The following BYSL variants were observed in gnomAD, a reference collection of about 807,000 sequenced individuals.
BYSL encodes bystin like.
Under a neutral mutation model 45.4 loss-of-function variants are expected in BYSL, and 21 were observed. The ratio of observed to expected loss-of-function variants is 0.46; its 90% CI spans 0.33 to 0.67. BYSL has a LOEUF of 0.67. BYSL is among the 30% of genes least tolerant of loss of function. The probability of loss-of-function intolerance (pLI) is 0.02; values close to 1 mark genes in which losing one functional copy is unlikely to be tolerated. For missense variants in BYSL, 522 were observed against 578.5 expected (o/e 0.90, Z 1.00); for synonymous variants, 215 against 231.3 (o/e 0.93, Z 0.64).
chr6:41,922,147 G>C (rs1228982763), intron 1 of BYSL, among the ~76,000 whole-genome samples: 1 of 152,198 alleles, frequency 6.6e-6, no homozygotes, highest in Non-Finnish European at 1.5e-5. Context: ...TCTATCGAAT[G>C]TTTGGGTACA....
intron 2 of BYSL, among the ~76,000 whole-genome samples, chr6:41,928,658 C>T (rs539104015): frequency 6.6e-6 from 1 of 152,154 alleles, no homozygotes; most frequent in Non-Finnish European, 1.5e-5. Context: ...GAAAGCAAGC[C>T]TAGATCCACA....
rs760149839 is a variant in BYSL, at chr6:41,930,777, G to C, written c.704+9G>C. The C allele has an allele frequency of 6.2e-7, 1 of 1,609,954 alleles. No individual in the cohort carries two copies. Reference sequence around the variant, plus strand: ...ATGTACCAGGCCACCAGGTAGAGTAGCTGGGGGTTCGGGGGCCTTGGGTTT... The same window carrying C: ...ATGTACCAGGCCACCAGGTAGAGTACCTGGGGGTTCGGGGGCCTTGGGTTT... On this transcript the variant is annotated intron_variant, in intron 4 of 6. Transcript: ENST00000230340.
upstream of BYSL, chr6:41,921,282 C>G (rs913688243): frequency 1.6e-6 from 1 of 616,392 alleles, no homozygotes; most frequent in South Asian, 2.1e-5. Context: ...GCTGAGCACT[C>G]TAGGCCTACA....
upstream of BYSL, chr6:41,916,987 GCTCA>G (rs570358617): frequency 3.9e-4 from 626 of 1,604,872 alleles, 2 homozygotes; most frequent in African/African-American, 7.4e-3. Flanking sequence ...ACACACGTGT[GCTCA>G]CTGAGCCATT....
chr6:41,921,394 G>A, upstream of BYSL: 1 of 889,866 alleles, frequency 1.1e-6, no homozygotes. Context: ...GAACCCGGGA[G>A]CTCTTTTAGT....
chr6:41,918,704 T>G (rs1291834398), upstream of BYSL, among the ~76,000 whole-genome samples: 1 of 151,216 alleles, frequency 6.6e-6, no homozygotes, highest in Non-Finnish European at 1.5e-5. Flanking sequence ...TCCCAGCACT[T>G]TGGGAGGCCG....
intron 1 of BYSL, among the ~76,000 whole-genome samples, chr6:41,922,607 A>G (rs1372251004): frequency 6.6e-6 from 1 of 152,166 alleles, no homozygotes; most frequent in African/African-American, 2.4e-5. Flanking sequence ...GCTGACTCTT[A>G]TTGCAACCTC....
In BYSL at chr6:41,930,125, C is replaced by T; in HGVS notation, c.432-7C>T. 6.2e-7 allele frequency: 1 copy of T among 1,614,106 alleles called. No homozygotes were observed. Among genetic ancestry groups the T allele is most frequent in the South Asian group, 1.1e-5 (1 of 91,068 alleles). On this transcript the variant is annotated splice_polypyrimidine_tract_variant and splice_region_variant and intron_variant, in intron 2 of 6. Coordinates refer to ENST00000230340, the MANE Select transcript of BYSL (RefSeq NM_004053.4). ...CTCTCCCCTCCTCTTGGCACTTCCC[C>T]TCTTAGGCGCACCCTGGCTGACATC...
the BYSL span, chr6:41,909,614 C>A: frequency 6.5e-7 from 1 of 1,537,638 alleles, no homozygotes; most frequent in Admixed American, 1.8e-5. Context: ...TGAGGCCAGA[C>A]AGCAATCTGG....
rs73733053 is a variant in BYSL, at chr6:41,924,962, A to G, written c.269-2412A>G. 5.3e-3 allele frequency among the ~76,000 whole-genome samples: 803 copies of G among 152,294 alleles called. 10 individuals are homozygous for G. Among genetic ancestry groups the G allele is most frequent in the African/African-American group, 0.018 (752 of 41,554 alleles). ...GAGGGTGAGGGCAGGGGATGAGGCA[A>G]GAGTACCTCCCAGGCTTAGCATTGG... On this transcript the variant is annotated intron_variant, in intron 1 of 6. Coordinates refer to ENST00000230340, the MANE Select transcript of BYSL (RefSeq NM_004053.4).
the BYSL span, among the ~76,000 whole-genome samples, chr6:41,916,388 T>G: frequency 1.3e-5 from 2 of 152,186 alleles, no homozygotes; most frequent in Admixed American, 6.5e-5. Context: ...GAGATCAGCC[T>G]GACCCACACA....
the BYSL span, among the ~76,000 whole-genome samples, chr6:41,912,223 T>G: frequency 7.1e-6 from 1 of 141,346 alleles, no homozygotes; most frequent in Non-Finnish European, 1.5e-5. Context: ...TTTTTTTTTG[T>G]AAAGATGAGG....
rs567316047 is a variant in BYSL, at chr6:41,927,503, T to C, written c.398T>C (p.Ile133Thr). ...VVVDPEDERA[I>T]EMFMNKNPPA... ...GTGGACCCTGAGGATGAGCGTGCCATAGAGATGTTCATGAACAAGAACCCT... is the reference window on the plus strand; with the variant it reads ...GTGGACCCTGAGGATGAGCGTGCCACAGAGATGTTCATGAACAAGAACCCT... The change falls in exon 2 of 7, where the codon ATA becomes ACA. Residue 133 changes from isoleucine (I) to threonine (T), a missense_variant. Transcript: ENST00000230340. 21 of 1,614,014 alleles carry C rather than the reference T, an allele frequency of 1.3e-5. No homozygotes were observed. In the East Asian group the frequency reaches 4.7e-4, roughly 36 times the overall value.
upstream of BYSL, chr6:41,916,806 CGGCCGTATGGT>C: frequency 6.2e-7 from 1 of 1,614,016 alleles, no homozygotes; most frequent in Non-Finnish European, 8.5e-7. Flanking sequence ...AGGGTAGAGG[CGGCCGTATGGT>C]AAGTCTCACA....
intron 1 of BYSL, among the ~76,000 whole-genome samples, chr6:41,926,747 C>T (rs569342277): frequency 6.6e-6 from 1 of 151,204 alleles, no homozygotes; most frequent in South Asian, 2.1e-4. Flanking sequence ...CCGTGCCCGG[C>T]CACTTCTTGG....
At chr6:41,916,669 T>A, upstream of BYSL, 2 of 1,288,898 alleles carry the variant, frequency 1.6e-6, no homozygotes, top group Non-Finnish European at 2.2e-6. Context: ...AAAACACATC[T>A]CGCCACATGT....
chr6:41,912,352 CT>C, the BYSL span, among the ~76,000 whole-genome samples: 35,490 of 87,584 alleles, frequency 0.41, 6,445 homozygotes, highest in African/African-American at 0.6. Context: ...GACCATAGTA[CT>C]TTTTTTTTTT....
chr6:41,913,279 G>A, the BYSL span, among the ~76,000 whole-genome samples: 1 of 152,150 alleles, frequency 6.6e-6, no homozygotes, highest in Non-Finnish European at 1.5e-5. Context: ...CACAGAGCCA[G>A]TAACCAGCAA....
chr6:41,914,076 G>A, the BYSL span, among the ~76,000 whole-genome samples: 3 of 152,156 alleles, frequency 2.0e-5, no homozygotes, highest in Non-Finnish European at 4.4e-5. Flanking sequence ...ATGTATACAG[G>A]GAACAAATAC....
Sources: allele counts gnomAD v4.1 joint callset (sites outside exome capture counted in the v4.1 genomes callset), GRCh38; gene constraint gnomAD v4.1.1; transcripts MANE v1.5; gene names NCBI Gene and HGNC (gene_info 2026-07-23, HGNC 2026-07-21).